Variants in UIMC1 observed in about 807,000 individuals in gnomAD.
UIMC1 encodes BRCA1-A complex subunit RAP80.
A neutral mutation model predicts 84.9 loss-of-function variants in UIMC1; 42 were observed. The ratio of observed to expected loss-of-function variants is 0.49; its 90% CI spans 0.39 to 0.64. The LOEUF is 0.64. UIMC1 is among the 30% of genes least tolerant of loss of function. UIMC1 has a pLI of 0.00. For missense variants in UIMC1, 825 were observed against 847.6 expected, an observed-to-expected ratio of 0.97 and a Z score of 0.33; for synonymous variants, 281 against 293.0, an observed-to-expected ratio of 0.96 and a Z score of 0.42.
chr5:176,972,388 G>A (rs866606588), intron 3 of UIMC1, among the ~76,000 whole-genome samples: 2 of 149,082 alleles, frequency 1.3e-5, no homozygotes, highest in Non-Finnish European at 3.0e-5. Context: ...GCAACAGAGT[G>A]AGACTCCGTC....
rs548136651 is a variant in UIMC1 at position 176,963,695 on chromosome 5, A to G, written c.1200+4860T>C. ...ACCCTCCAGATACTGTCATTCTAGAAGACAGTAGATACAGGTCTGAGTATT... is the reference window on the plus strand; with the variant it reads ...ACCCTCCAGATACTGTCATTCTAGAGGACAGTAGATACAGGTCTGAGTATT... On this transcript the variant is annotated intron_variant, in intron 6 of 14. Coordinates refer to ENST00000511320, the MANE Select transcript of UIMC1 (RefSeq NM_001199298.2). Among the ~76,000 whole-genome samples the G allele has an allele frequency of 5.9e-5, 9 of 152,196 alleles. No homozygotes were observed. The South Asian group carries it at 1.9e-3, about 32-fold the overall frequency.
At chr5:176,969,458 T>C (rs1768864187) in intron 5 of UIMC1, 143 bp downstream of exon 5, 1 of 1,278,870 alleles carries the variant, frequency 7.8e-7, no homozygotes, top group East Asian at 2.4e-5. Context: ...CGGATATTCT[T>C]ATGATCTCAA....
intron 6 of UIMC1, among the ~76,000 whole-genome samples, chr5:176,964,681 G>A (rs888899007): frequency 1.3e-5 from 2 of 152,076 alleles, no homozygotes; most frequent in African/African-American, 4.8e-5. Context: ...CAAAAAATAG[G>A]TAATATTCTT....
At chr5:176,986,141 C>G (rs1449396777) in intron 1 of UIMC1, among the ~76,000 whole-genome samples, 1 of 151,368 alleles carries the variant, frequency 6.6e-6, no homozygotes, top group African/African-American at 2.4e-5. Context: ...GGGCTGATCA[C>G]CTGAGGTCAG....
intron 1 of UIMC1, among the ~76,000 whole-genome samples, chr5:177,012,490 C>A (rs562874577): frequency 2.6e-5 from 4 of 152,130 alleles, no homozygotes; most frequent in Admixed American, 2.6e-4. Context: ...GCCAGGGGTT[C>A]GTGACCAGCC....
At chr5:176,930,904 T>C (rs985586046) in intron 10 of UIMC1, among the ~76,000 whole-genome samples, 1 of 152,252 alleles carries the variant, frequency 6.6e-6, no homozygotes, top group African/African-American at 2.4e-5. Context: ...TCAATTCTGA[T>C]GAGATGAGAA....
chr5:176,907,042 G>A, intron 13 of UIMC1, 72 bp downstream of exon 13: 1 of 1,487,888 alleles, frequency 6.7e-7, no homozygotes, highest in Non-Finnish European at 9.3e-7. Flanking sequence ...AAATAGTCAG[G>A]GGGCTGGCAA....
chr5:176,951,457 T>C lies in UIMC1; in HGVS notation c.1443+17A>G, dbSNP rs185355812. ...GGAAAGAAACCACTGAGAAAAAATATAGAGGAAAATATTCACCTCCTTATC... is the reference window on the plus strand; with the variant it reads ...GGAAAGAAACCACTGAGAAAAAATACAGAGGAAAATATTCACCTCCTTATC... On this transcript the variant is annotated intron_variant, in intron 9 of 14. Transcript: ENST00000511320. 107 of 1,495,138 alleles carry C rather than the reference T, an allele frequency of 7.2e-5. No individual in the cohort carries two copies. In the East Asian group the frequency reaches 2.4e-3, roughly 33 times the overall value. 92.6% of individuals were successfully genotyped at this position (1,495,138 alleles called of 1,614,324 possible).
intron 1 of UIMC1, among the ~76,000 whole-genome samples, chr5:176,983,356 T>C (rs1581638885): frequency 6.6e-6 from 1 of 151,572 alleles, no homozygotes; most frequent in Non-Finnish European, 1.5e-5. Context: ...TGCCTCGGCC[T>C]GCCAAGTGCC....
intron 14 of UIMC1, chr5:176,905,761 T>C: frequency 1.6e-6 from 1 of 622,438 alleles, no homozygotes; most frequent in South Asian, 2.1e-5. Flanking sequence ...CAGGGTTGGA[T>C]GGGGATAGAG....
At chr5:176,951,690 G>A in intron 8 of UIMC1, 113 bp from the exon 9 acceptor site, 1 of 659,380 alleles carries the variant, frequency 1.5e-6, no homozygotes, top group East Asian at 2.9e-5. Flanking sequence ...TACTGTGGTG[G>A]CAATATATTA....
intron 12 of UIMC1, 69 bp downstream of exon 12, chr5:176,908,454 G>C: frequency 6.6e-7 from 1 of 1,519,714 alleles, no homozygotes; most frequent in Non-Finnish European, 8.9e-7. Flanking sequence ...AGCCAGAACA[G>C]AACTGTGGCC....
At chr5:176,969,746 A>G in intron 4 of UIMC1, 40 bp from the exon 5 acceptor site, 1 of 1,571,994 alleles carries the variant, frequency 6.4e-7, no homozygotes, top group Non-Finnish European at 8.7e-7. Context: ...GTTTATTATT[A>G]AAATAACTAT....
intron 10 of UIMC1, among the ~76,000 whole-genome samples, chr5:176,933,653 C>T (rs1763382331): frequency 6.6e-6 from 1 of 152,060 alleles, no homozygotes. Flanking sequence ...CTTCCCACCT[C>T]AGCCTCCGAA....
At chr5:176,963,601 G>A (rs1467243283) in intron 6 of UIMC1, among the ~76,000 whole-genome samples, 1 of 151,586 alleles carries the variant, frequency 6.6e-6, no homozygotes, top group Non-Finnish European at 1.5e-5. Context: ...TGTGACACTG[G>A]TAGTTTATTA....
intron 10 of UIMC1, among the ~76,000 whole-genome samples, chr5:176,939,770 G>A (rs1013761061): frequency 2.0e-5 from 3 of 152,102 alleles, no homozygotes; most frequent in African/African-American, 7.2e-5. Context: ...TTCTAAACTA[G>A]TTTTTATAAC....
At chr5:176,986,686 A>T (rs984155592) in intron 1 of UIMC1, among the ~76,000 whole-genome samples, 1 of 152,074 alleles carries the variant, frequency 6.6e-6, no homozygotes, top group Non-Finnish European at 1.5e-5. Flanking sequence ...ACAAAAAATT[A>T]AAAAATTAGC....
intron 7 of UIMC1, 106 bp downstream of exon 7, chr5:176,957,986 TA>T: frequency 9.7e-7 from 1 of 1,029,792 alleles, no homozygotes; most frequent in Non-Finnish European, 1.4e-6. Context: ...ATAAAAGAGC[TA>T]AAAGTTCTCT....
At chr5:176,984,918 C>T (rs1260837396) in intron 1 of UIMC1, among the ~76,000 whole-genome samples, 1 of 152,128 alleles carries the variant, frequency 6.6e-6, no homozygotes, top group African/African-American at 2.4e-5. Flanking sequence ...GTCATCACCA[C>T]TCCCTAATCT....
Sources: gnomAD v4.1 joint callset for allele counts (sites outside exome capture counted in the v4.1 genomes callset) on GRCh38, gnomAD v4.1.1 for gene constraint, MANE v1.5 for transcripts, NCBI Gene and HGNC (gene_info 2026-07-23, HGNC 2026-07-21) for gene names.